SPTLC3: variants seen among roughly 807,000 people sequenced by gnomAD.
SPTLC3 encodes serine palmitoyltransferase 3.
A neutral mutation model predicts 59.3 loss-of-function variants in SPTLC3; 36 were observed. The ratio of observed to expected loss-of-function variants is 0.61; its 90% CI spans 0.47 to 0.80. The LOEUF (loss-of-function observed/expected upper bound fraction) is 0.80, where lower values mean the gene tolerates loss of function less well. Among genes scored for constraint, SPTLC3 ranks in the 30% least tolerant of loss-of-function variants. The pLI is 0.00. For missense variants in SPTLC3, 625 were observed against 685.1 expected (o/e 0.91, Z 0.98); for synonymous variants, 257 against 240.8 (o/e 1.07, Z -0.62).
chr20:13,096,180 G>A (rs1017662729), intron 6 of SPTLC3, among the ~76,000 whole-genome samples: 1 of 152,106 alleles, frequency 6.6e-6, no homozygotes, highest in Non-Finnish European at 1.5e-5. Flanking sequence ...TGCCTGTGGA[G>A]TATAAAATGG....
chr20:13,154,230 T>G (rs1280911727), intron 10 of SPTLC3, 92 bp downstream of exon 10: 3 of 1,502,744 alleles, frequency 2.0e-6, no homozygotes, highest in African/African-American at 2.8e-5. Flanking sequence ...GCATCTGGAA[T>G]GGGGTGAGTG....
intron 1 of SPTLC3, among the ~76,000 whole-genome samples, chr20:13,046,251 C>T (rs891686477): frequency 1.3e-5 from 2 of 152,096 alleles, no homozygotes; most frequent in Non-Finnish European, 2.9e-5. Context: ...AACTGTGGCC[C>T]GTAGTAATTG....
intron 3 of SPTLC3, chr20:13,073,942 G>A (rs1056984708): frequency 5.8e-5 from 34 of 585,574 alleles, no homozygotes; most frequent in Non-Finnish European, 7.8e-5. Flanking sequence ...CCAGGGAGGT[G>A]TGGCACCTGA....
At chr20:13,088,712 A>G (rs62203586) in intron 4 of SPTLC3, among the ~76,000 whole-genome samples, 72,931 of 148,664 alleles carry the variant, frequency 0.49, 17,889 homozygotes, top group African/African-American at 0.55. Context: ...TCTGCCTCCC[A>G]AGTTCAAGCA....
chr20:13,135,026 T>G (rs564368698), intron 9 of SPTLC3, among the ~76,000 whole-genome samples: 1 of 152,352 alleles, frequency 6.6e-6, no homozygotes, highest in African/African-American at 2.4e-5. Context: ...TGCTTTCACA[T>G]AACTTTTTGA....
intron 9 of SPTLC3, among the ~76,000 whole-genome samples, chr20:13,152,065 C>T (rs2038661594): frequency 6.6e-6 from 1 of 152,146 alleles, no homozygotes; most frequent in African/African-American, 2.4e-5. Flanking sequence ...CCAATGACCA[C>T]CATCCCTTAC....
chr20:13,051,201 C>A (rs1450782980), intron 2 of SPTLC3, among the ~76,000 whole-genome samples: 3 of 114,914 alleles, frequency 2.6e-5, no homozygotes, highest in African/African-American at 1.0e-4. Flanking sequence ...AGGAGACTCA[C>A]TTAACACATA....
intron 1 of SPTLC3, among the ~76,000 whole-genome samples, chr20:13,026,318 T>C (rs1054077868): frequency 6.6e-6 from 1 of 152,204 alleles, no homozygotes; most frequent in Non-Finnish European, 1.5e-5. Context: ...TCATCCACAA[T>C]GGTTGAACTA....
chr20:13,125,375 G>A (rs2037966022), intron 8 of SPTLC3, among the ~76,000 whole-genome samples: 1 of 152,182 alleles, frequency 6.6e-6, no homozygotes, highest in Non-Finnish European at 1.5e-5. Context: ...GGCATAACCA[G>A]AGTTTATCTG....
chr20:13,123,321 ACT>A (rs765728726), intron 8 of SPTLC3, among the ~76,000 whole-genome samples: 2 of 137,978 alleles, frequency 1.4e-5, no homozygotes, highest in Non-Finnish European at 3.0e-5. Flanking sequence ...ACAGAGCAAG[ACT>A]CTGTCTAAAA....
intron 1 of SPTLC3, among the ~76,000 whole-genome samples, chr20:13,030,918 C>A (rs1185275362): frequency 6.6e-6 from 1 of 152,126 alleles, no homozygotes; most frequent in African/African-American, 2.4e-5. Flanking sequence ...CACTCCACAG[C>A]ACTCTTAATT....
chr20:13,123,156 C>G (rs1388691649), intron 8 of SPTLC3, among the ~76,000 whole-genome samples: 2 of 152,062 alleles, frequency 1.3e-5, no homozygotes, highest in Non-Finnish European at 2.9e-5. Context: ...CATGGTGAAA[C>G]CCCATCTCTA....
intron 1 of SPTLC3, among the ~76,000 whole-genome samples, chr20:13,012,697 T>C (rs6078877): frequency 0.2 from 30,207 of 152,044 alleles, 3,570 homozygotes; most frequent in South Asian, 0.38. Context: ...AGTGGTAGTA[T>C]ACTGTCCATT....
intron 8 of SPTLC3, among the ~76,000 whole-genome samples, chr20:13,125,951 C>A (rs1385794355): frequency 6.6e-6 from 1 of 152,198 alleles, no homozygotes; most frequent in Admixed American, 6.5e-5. Context: ...GTAAACACTG[C>A]TATACATGCC....
intron 1 of SPTLC3, among the ~76,000 whole-genome samples, chr20:13,048,295 T>C (rs1276870093): frequency 6.6e-6 from 1 of 152,158 alleles, no homozygotes; most frequent in Non-Finnish European, 1.5e-5. Flanking sequence ...AGAAAACAAT[T>C]TGATGAAGGA....
At chr20:13,019,554 C>G (rs942538927) in intron 1 of SPTLC3, among the ~76,000 whole-genome samples, 6 of 152,302 alleles carry the variant, frequency 3.9e-5, no homozygotes, top group African/African-American at 1.4e-4. Flanking sequence ...ACCCTAGACT[C>G]TGCAGGTTTG....
chr20:13,108,468 A>G (rs1408186405), intron 6 of SPTLC3, among the ~76,000 whole-genome samples: 6 of 152,244 alleles, frequency 3.9e-5, no homozygotes, highest in Non-Finnish European at 5.9e-5. Context: ...CAAGAACTGC[A>G]GCTAATTTGA....
chr20:13,015,934 A>G (rs1022165712), intron 1 of SPTLC3, among the ~76,000 whole-genome samples: 1 of 152,136 alleles, frequency 6.6e-6, no homozygotes, highest in African/African-American at 2.4e-5. Context: ...TGACTACATA[A>G]AAATCAAATA....
intron 4 of SPTLC3, among the ~76,000 whole-genome samples, chr20:13,086,450 A>T (rs1192571454): frequency 6.6e-6 from 1 of 152,200 alleles, no homozygotes. Context: ...GTGGTGAAAG[A>T]TCCTCAGCCA....
Sources: gnomAD v4.1 joint callset for allele counts (sites outside exome capture counted in the v4.1 genomes callset) on GRCh38, gnomAD v4.1.1 for gene constraint, MANE v1.5 for transcripts, NCBI Gene and HGNC (gene_info 2026-07-23, HGNC 2026-07-21) for gene names.